DYNLL1: variants seen among roughly 807,000 people sequenced by gnomAD.
DYNLL1 encodes dynein light chain 1, cytoplasmic.
Under a neutral mutation model 10.1 loss-of-function variants are expected in DYNLL1, and 3 were observed. That is an observed-to-expected ratio of 0.30 (90% confidence interval 0.14 to 0.77). DYNLL1 has a LOEUF of 0.77. Among genes scored for constraint, DYNLL1 ranks in the 30% least tolerant of loss-of-function variants. The pLI, the probability that DYNLL1 is intolerant of heterozygous loss-of-function variation, is 0.66. For synonymous variants in DYNLL1, 46 were observed against 41.2 expected, an observed-to-expected ratio of 1.12 and a Z score of -0.45; for missense variants, 47 against 111.7, an observed-to-expected ratio of 0.42 and a Z score of 2.61.
intron 1 of DYNLL1, among the ~76,000 whole-genome samples, chr12:120,482,218 G>A (rs1878894090): frequency 6.6e-6 from 1 of 152,202 alleles, no homozygotes; most frequent in South Asian, 2.1e-4. Context: ...AAGATCGCTG[G>A]AGGCCAGGAG....
chr12:120,487,044 G>T (rs1282383654), intron 1 of DYNLL1, among the ~76,000 whole-genome samples: 1 of 148,224 alleles, frequency 6.7e-6, no homozygotes, highest in Non-Finnish European at 1.5e-5. Flanking sequence ...GCGCCATCTC[G>T]GCTCACTGCA....
At chr12:120,497,812 A>G (rs1215917553) in intron 2 of DYNLL1, 1 of 449,350 alleles carries the variant, frequency 2.2e-6, no homozygotes, top group Non-Finnish European at 4.0e-6. Flanking sequence ...AATTACCATA[A>G]TAACAAAACA....
intron 2 of DYNLL1, 107 bp downstream of exon 2, chr12:120,496,660 G>C: frequency 6.3e-7 from 1 of 1,591,496 alleles, no homozygotes; most frequent in Non-Finnish European, 8.6e-7. Flanking sequence ...ACTGCTGGCG[G>C]CTTGGGGCGT....
chr12:120,483,985 G>A (rs1239423681), intron 1 of DYNLL1, among the ~76,000 whole-genome samples: 1 of 152,054 alleles, frequency 6.6e-6, no homozygotes, highest in African/African-American at 2.4e-5. Context: ...TTAGCAGCAT[G>A]GTGGTCACCG....
chr12:120,496,371 G>A, intron 1 of DYNLL1, 45 bp from the exon 2 acceptor site: 1 of 1,610,296 alleles, frequency 6.2e-7, no homozygotes, highest in Non-Finnish European at 8.5e-7. Context: ...AGTGCCTGGG[G>A]GGCGCGGCCC....
upstream of DYNLL1, among the ~76,000 whole-genome samples, chr12:120,492,589 T>A (rs1238336658): frequency 6.6e-6 from 1 of 151,924 alleles, no homozygotes; most frequent in Non-Finnish European, 1.5e-5. This position sits in a 1 kb window ranked among gnomAD's most constrained non-coding sequence, Gnocchi z 4.1. Context: ...TAAATAAAAA[T>A]AAAAAATAAC....
chr12:120,482,557 T>C (rs1878905250), intron 1 of DYNLL1, among the ~76,000 whole-genome samples: 1 of 151,626 alleles, frequency 6.6e-6, no homozygotes, highest in African/African-American at 2.4e-5. Context: ...CTCCTGACCT[T>C]GTGATCCGCC....
At chr12:120,484,540 C>A (rs1451185964) in intron 1 of DYNLL1, among the ~76,000 whole-genome samples, 1 of 152,114 alleles carries the variant, frequency 6.6e-6, no homozygotes, top group Non-Finnish European at 1.5e-5. Flanking sequence ...TACAAAGGAA[C>A]TTTCTTTTTC....
At position 120,498,191 on chromosome 12, in the gene DYNLL1, T is replaced by C; in HGVS notation, c.251T>C (p.Leu84Pro). Residue 84 changes from leucine to proline, a missense_variant, in exon 3 of 3, where the codon CTT becomes CCT. Physicochemically the swap from Leu to Pro is moderately conservative, Grantham distance 98 (BLOSUM62 -3). Coordinates refer to ENST00000242577, the MANE Select transcript of DYNLL1 (RefSeq NM_003746.3). The stretch of plus-strand genomic sequence containing the variant: ...TTCTACCTGGGCCAAGTGGCCATTC[T>C]TCTGTTCAAATCTGGTTAAAAGCAT... The part of the protein sequence containing the change: ...IYFYLGQVAI[L>P]LFKSG 6.2e-7 allele frequency: 1 copy of C among 1,613,646 alleles called. No homozygotes were observed. The highest frequency in any genetic ancestry group is 8.5e-7 in the Non-Finnish European group (1 of 1,179,982).
At chr12:120,479,460 A>AAT (rs1878832341) in intron 1 of DYNLL1, among the ~76,000 whole-genome samples, 9 of 133,228 alleles carry the variant, frequency 6.8e-5, no homozygotes, top group African/African-American at 2.5e-4. Flanking sequence ...AAAAAAAAAA[A>AAT]AAAAAAAAAA....
At chr12:120,473,840 G>T (rs1468293774) in intron 1 of DYNLL1, among the ~76,000 whole-genome samples, 1 of 151,958 alleles carries the variant, frequency 6.6e-6, no homozygotes, top group Non-Finnish European at 1.5e-5. Context: ...ATTAGCCACG[G>T]CACCTGACAG....
At position 120,496,174 on chromosome 12, in the gene DYNLL1, T is replaced by C. The variant is rs580016; in HGVS notation, c.-49T>C. The C allele has an allele frequency of 0.16, 98,532 of 606,424 alleles. 8,875 individuals carry two copies. The highest frequency in any genetic ancestry group is 0.22 in the Middle Eastern group (496 of 2,222). The allele number at this position is 606,424 out of a possible 1,614,324, so 37.6% of individuals were successfully genotyped here. A position where few individuals can be genotyped will look rare whatever the true frequency, so the allele number is the denominator to read the frequency against. On this transcript the variant is annotated 5_prime_UTR_variant, in exon 1 of 3. Coordinates refer to ENST00000242577, the MANE Select transcript of DYNLL1 (RefSeq NM_003746.3). ...GCCGGGCCTGAGCTGTGCTAGCACC[T>C]CCCCCAGGAGACCGTTGCAGTCGGC...
At chr12:120,489,926 T>G (rs2137066162) in intron 1 of DYNLL1, among the ~76,000 whole-genome samples, 2 of 152,292 alleles carry the variant, frequency 1.3e-5, no homozygotes, top group Admixed American at 1.3e-4. Flanking sequence ...TTTTTGTATT[T>G]TAGTAGAGAC....
chr12:120,485,840 A>G (rs1042855558), intron 1 of DYNLL1, among the ~76,000 whole-genome samples: 3 of 54,434 alleles, frequency 5.5e-5, no homozygotes, highest in African/African-American at 1.7e-4. Context: ...GTCCCTGTCT[A>G]AAAAAAAAAA....
chr12:120,483,517 T>A (rs1019059070), intron 1 of DYNLL1, among the ~76,000 whole-genome samples: 7 of 152,114 alleles, frequency 4.6e-5, no homozygotes, highest in African/African-American at 1.7e-4. Flanking sequence ...GCAGTGGCTA[T>A]TTACAGTGAT....
chr12:120,491,548 G>C (rs1434920941), upstream of DYNLL1: 2 of 152,452 alleles, frequency 1.3e-5, no homozygotes, highest in Non-Finnish European at 2.9e-5. Context: ...GTTCAAGAAA[G>C]TACTCAAGGT....
At chr12:120,475,725 C>T (rs1017391126) in intron 1 of DYNLL1, among the ~76,000 whole-genome samples, 1 of 151,970 alleles carries the variant, frequency 6.6e-6, no homozygotes, top group Non-Finnish European at 1.5e-5. Context: ...GGCTACCATA[C>T]AGGACAGCGT....
chr12:120,474,035 A>C (rs1210110022), intron 1 of DYNLL1, among the ~76,000 whole-genome samples: 1 of 151,776 alleles, frequency 6.6e-6, no homozygotes, highest in Non-Finnish European at 1.5e-5. Flanking sequence ...ACCAGGGAAA[A>C]TCCCTACTGG....
At chr12:120,488,318 A>G (rs1162939511) in intron 1 of DYNLL1, 3 of 152,088 alleles carry the variant, frequency 2.0e-5, no homozygotes, top group African/African-American at 7.3e-5. Context: ...AGCTCCCTGC[A>G]CTTCCCCCAG....
Sources: allele counts gnomAD v4.1 joint callset (sites outside exome capture counted in the v4.1 genomes callset), GRCh38; gene constraint gnomAD v4.1.1; non-coding constraint Gnocchi (gnomAD v3.1); transcripts MANE v1.5; gene names NCBI Gene and HGNC (gene_info 2026-07-23, HGNC 2026-07-21).